Variants in ZNF608 observed in about 807,000 individuals in gnomAD.
ZNF608 encodes the protein renal carcinoma antigen NY-REN-36.
In ZNF608, 12 loss-of-function variants were observed where a neutral mutation model predicts 109.0. The ratio of observed to expected loss-of-function variants is 0.11; its 90% CI spans 0.07 to 0.18. The LOEUF (loss-of-function observed/expected upper bound fraction) is 0.18. Among genes scored for constraint, ZNF608 ranks in the 10% least tolerant of loss-of-function variants. The pLI is 1.00. For missense variants in ZNF608, 1,707 were observed against 1,879.3 expected, an observed-to-expected ratio of 0.91 and a Z score of 1.70; for synonymous variants, 732 against 717.4, an observed-to-expected ratio of 1.02 and a Z score of -0.33.
At chr5:124,670,885 T>C (rs1483244926) in intron 3 of ZNF608, among the ~76,000 whole-genome samples, 1 of 152,220 alleles carries the variant, frequency 6.6e-6, no homozygotes, top group Non-Finnish European at 1.5e-5. Flanking sequence ...TTCAATGTTG[T>C]TTCAGTTATT....
chr5:124,659,479 C>T (rs1164433368), intron 3 of ZNF608, among the ~76,000 whole-genome samples: 2 of 152,084 alleles, frequency 1.3e-5, no homozygotes, highest in African/African-American at 4.8e-5. Flanking sequence ...GGCAGGAAGG[C>T]AAAGTAATTA....
chr5:124,685,026 A>T (rs914600210), intron 3 of ZNF608, among the ~76,000 whole-genome samples: 2 of 152,220 alleles, frequency 1.3e-5, no homozygotes, highest in Non-Finnish European at 1.5e-5. Flanking sequence ...CTTTCAGAGG[A>T]TCTTAATAAA....
chr5:124,680,179 A>G (rs1332341135), intron 3 of ZNF608, among the ~76,000 whole-genome samples: 1 of 152,184 alleles, frequency 6.6e-6, no homozygotes, highest in Non-Finnish European at 1.5e-5. Flanking sequence ...ATAATGATAA[A>G]TTAAATGACT....
At position 124,673,913 on chromosome 5, in the gene ZNF608, C is replaced by G. The variant is rs140271333; in HGVS notation, c.1163-24216G>C. 5.4e-3 allele frequency among the ~76,000 whole-genome samples: 820 copies of G among 152,166 alleles called. 5 individuals carry two copies. In the Middle Eastern group the frequency reaches 0.082, roughly 15 times the overall value. On this transcript the variant is annotated intron_variant, in intron 3 of 9. Coordinates refer to ENST00000513986, the MANE Select transcript of ZNF608 (RefSeq NM_020747.3). ...TTTGATGCCTTTTGCTGCTTATATA[C>G]GTTTTCACTAAATATGAAATTTTTT...
At chr5:124,690,954 C>CACACAAAA (rs10666145) in intron 3 of ZNF608, among the ~76,000 whole-genome samples, 3 of 150,724 alleles carry the variant, frequency 2.0e-5, no homozygotes, top group East Asian at 1.9e-4. Context: ...CACACACACA[C>CACACAAAA]ATAATGGAAA....
At position 124,706,161 on chromosome 5, in the gene ZNF608, A is replaced by T. The variant is rs549389975; in HGVS notation, c.907-4892T>A. On this transcript the variant is annotated intron_variant, in intron 2 of 9. Transcript: ENST00000513986. ...TAATGGAAGACAGGGTGGGGCAGGG[A>T]TCTGTCTTCACTGGGGGTTGGAATC... Among the ~76,000 whole-genome samples the T allele has an allele frequency of 2.6e-5, 4 of 152,328 alleles. No individual in the cohort carries two copies. In the East Asian group the frequency reaches 7.7e-4, roughly 29 times the overall value.
chr5:124,710,182 G>A (rs1349804674), intron 2 of ZNF608: 1 of 454,636 alleles, frequency 2.2e-6, no homozygotes, highest in Non-Finnish European at 4.4e-6. Flanking sequence ...TCATCCTTAT[G>A]CTTCTGGATG....
In ZNF608 at chr5:124,649,183, G is replaced by A. The variant is rs138360874; in HGVS notation, c.1251-50C>T. 1.8e-3 allele frequency: 2,564 copies of A among 1,464,572 alleles called. 29 individuals are homozygous for A. In the African/African-American group the frequency reaches 0.022, roughly 13 times the overall value. The allele number at this position is 1,464,572 out of a possible 1,614,324, so 90.7% of individuals were successfully genotyped here. ...AAAATGAGCATCCCCAAAAGAGCCA[G>A]GTGAAATCACAAAGTACACAATGCA... On this transcript the variant is annotated intron_variant, in intron 4 of 9. Transcript: ENST00000513986.
At chr5:124,668,214 ATATTAT>A in intron 3 of ZNF608, among the ~76,000 whole-genome samples, 1 of 139,766 alleles carries the variant, frequency 7.2e-6, no homozygotes, top group South Asian at 2.2e-4. Context: ...ATATATATAT[ATATTAT>A]ATATATATAT....
intron 2 of ZNF608, among the ~76,000 whole-genome samples, chr5:124,742,240 C>T (rs1035040734): frequency 1.3e-5 from 2 of 152,176 alleles, no homozygotes; most frequent in South Asian, 4.1e-4. Flanking sequence ...TCTCAGTTGC[C>T]ATGACAGCAG....
intron 2 of ZNF608, chr5:124,734,904 C>T (rs1749074715): frequency 6.6e-6 from 1 of 152,132 alleles, no homozygotes; most frequent in African/African-American, 2.4e-5. Context: ...AGAAATACTA[C>T]AAAATTTATT....
At chr5:124,679,324 C>G (rs1475747855) in intron 3 of ZNF608, among the ~76,000 whole-genome samples, 1 of 152,044 alleles carries the variant, frequency 6.6e-6, no homozygotes. Context: ...AGGTTGAAGT[C>G]AAGTCATGAG....
chr5:124,746,661 G>A (rs1255541003), upstream of ZNF608: 5 of 985,308 alleles, frequency 5.1e-6, no homozygotes, highest in East Asian at 1.1e-4. Context: ...TGCTAACATC[G>A]GGATAAATTA....
chr5:124,682,505 G>C (rs902448177), intron 3 of ZNF608, among the ~76,000 whole-genome samples: 1 of 152,236 alleles, frequency 6.6e-6, no homozygotes, highest in African/African-American at 2.4e-5. Flanking sequence ...TGGTATACAA[G>C]AGATATTTCA....
Position 124,701,196 on chromosome 5 carries a change from G to C in ZNF608, c.980C>G (p.Ser327Cys). 1 of 1,614,164 alleles carries C rather than the reference G, an allele frequency of 6.2e-7. No homozygotes were observed. The highest frequency in any genetic ancestry group is 8.5e-7 in the Non-Finnish European group (1 of 1,180,014). ...SSSLTPQILP[S>C]YFSPSSSNIA... ...ATTGGATGAAGATGGGGAAAAGTAG[G>C]AGGGTAGAATCTGAGGCGTGAGACT... The change falls in exon 3 of 10, where the codon TCC becomes TGC. Residue 327 changes from serine (S) to cysteine (C), a missense_variant. Transcript: ENST00000513986.
intron 3 of ZNF608, among the ~76,000 whole-genome samples, chr5:124,662,783 G>T (rs1016132451): frequency 6.6e-6 from 1 of 151,974 alleles, no homozygotes; most frequent in Non-Finnish European, 1.5e-5. Flanking sequence ...AGGTTGCCTT[G>T]TAATTCTCTC....
Position 124,647,171 on chromosome 5 carries a change from A to G in ZNF608, c.3213T>C (p.His1071=). 1 of 1,614,218 alleles carries G rather than the reference A, an allele frequency of 6.2e-7. No individual in the cohort carries two copies. Among genetic ancestry groups the G allele is most frequent in the Non-Finnish European group, 8.5e-7 (1 of 1,180,048 alleles). ...AATAAAGTGACTGAGCCAGGGCAGG[A>G]TGTCTTTGTGTGATCACCGACTGGT... ...PQHQSVITQR[H]PALAQSLYYG... Residue 1071 remains histidine (H), a synonymous_variant, in exon 5 of 10, where the codon CAT becomes CAC. Coordinates refer to ENST00000513986, the MANE Select transcript of ZNF608 (RefSeq NM_020747.3).
At chr5:124,743,169 G>A (rs1438085701) in intron 2 of ZNF608, among the ~76,000 whole-genome samples, 1 of 152,210 alleles carries the variant, frequency 6.6e-6, no homozygotes, top group African/African-American at 2.4e-5. Flanking sequence ...CAAAGAAGGG[G>A]AGAAGGGTCC....
chr5:124,676,154 T>C (rs1751937540), intron 3 of ZNF608, among the ~76,000 whole-genome samples: 3 of 152,036 alleles, frequency 2.0e-5, no homozygotes. Context: ...TTAAATGAAG[T>C]CAAAGAGATG....
Sources: gnomAD v4.1 joint callset for allele counts (sites outside exome capture counted in the v4.1 genomes callset) on GRCh38, gnomAD v4.1.1 for gene constraint, MANE v1.5 for transcripts, NCBI Gene and HGNC (gene_info 2026-07-23, HGNC 2026-07-21) for gene names.